ATP4A: variants seen among roughly 807,000 people sequenced by gnomAD.
ATP4A encodes potassium-transporting ATPase alpha chain 1.
A neutral mutation model predicts 112.1 loss-of-function variants in ATP4A; 73 were observed. The observed-to-expected ratio is 0.65, with a 90% confidence interval of 0.54 to 0.79. The LOEUF (loss-of-function observed/expected upper bound fraction) is 0.79. Ranked by LOEUF, ATP4A falls within the 30% of genes least tolerant of loss-of-function variation. The pLI, the probability that ATP4A is intolerant of heterozygous loss-of-function variation, is 0.00. For synonymous variants in ATP4A, 588 were observed against 588.9 expected (o/e 1.00, Z 0.02); for missense variants, 1,081 against 1,425.9 (o/e 0.76, Z 3.90).
Position 35,560,283 on chromosome 19 carries a change from G to A in ATP4A, c.787+80C>T. On this transcript the variant is annotated intron_variant, in intron 6 of 21. Transcript: ENST00000262623. The surrounding 1 kb of genome is among the most constrained non-coding windows in gnomAD (Gnocchi z 5.1). ...GCAGGAGAGAGACAGGGAGGCTGAAGCCCCCTGTCCTAGAAGATAGCAGGA... is the reference window on the plus strand; with the variant it reads ...GCAGGAGAGAGACAGGGAGGCTGAAACCCCCTGTCCTAGAAGATAGCAGGA... 1 of 1,580,400 alleles carries A rather than the reference G, an allele frequency of 6.3e-7. No homozygotes were observed. Among genetic ancestry groups the A allele is most frequent in the Non-Finnish European group, 8.6e-7 (1 of 1,161,398 alleles).
rs200192724 is a variant in ATP4A at position 35,560,429 on chromosome 19, C to G, written c.721G>C (p.Glu241Gln). 6.2e-6 allele frequency: 10 copies of G among 1,613,910 alleles called. 1 individual carries two copies. The highest frequency in any genetic ancestry group is 3.3e-5 in the South Asian group (3 of 91,078). ...GESEPQTRSP[E>Q]CTHESPLETR... is the part of the protein sequence containing the mutation. ...TCCAGAGGGCTCTCGTGCGTGCACTCGGGTGAGCGGGTCTGTGGCTCAGAC... is the reference window on the plus strand; with the variant it reads ...TCCAGAGGGCTCTCGTGCGTGCACTGGGGTGAGCGGGTCTGTGGCTCAGAC... Residue 241 changes from glutamate (E) to glutamine (Q), a missense_variant, in exon 6 of 22, where the codon GAG becomes CAG. Physicochemically the swap from Glu to Gln is conservative, Grantham distance 29. This residue lies in a region of ATP4A where 850 missense variants were observed against 1,068.2 expected (regional missense o/e 0.80). Transcript: ENST00000262623. This position sits in a 1 kb window ranked among gnomAD's most constrained non-coding sequence, Gnocchi z 5.1.
chr19:35,558,525 A>C lies in ATP4A; in HGVS notation c.1366-29T>G, dbSNP rs1368239082. On this transcript the variant is annotated intron_variant, in intron 9 of 21. Transcript: ENST00000262623. This position sits in a 1 kb window ranked among gnomAD's most constrained non-coding sequence, Gnocchi z 5.1. ...GGAGCGGGGACCGGTGTCAGGGGCGAAGCCGGCTACACCAGCCTCCCGGGA... is the reference window on the plus strand; with the variant it reads ...GGAGCGGGGACCGGTGTCAGGGGCGCAGCCGGCTACACCAGCCTCCCGGGA... 1.9e-6 allele frequency: 3 copies of C among 1,589,450 alleles called. No individual in the cohort carries two copies. In the Admixed American group the frequency reaches 5.5e-5, roughly 29 times the overall value.
Position 35,558,800 on chromosome 19 carries a change from G to T in ATP4A, c.1256-114C>A. On this transcript the variant is annotated intron_variant, in intron 8 of 21. Transcript: ENST00000262623. This position sits in a 1 kb window ranked among gnomAD's most constrained non-coding sequence, Gnocchi z 5.1. Reference sequence around the variant, plus strand: ...CCCCTCCCCAGACCTGGGTGGAATTGGGTTCCACCCAACCCTGAGGGACCC... The same window carrying T: ...CCCCTCCCCAGACCTGGGTGGAATTTGGTTCCACCCAACCCTGAGGGACCC... 1 of 1,284,528 alleles carries T rather than the reference G, an allele frequency of 7.8e-7. No homozygotes were observed. Among genetic ancestry groups the T allele is most frequent in the Non-Finnish European group, 1.1e-6 (1 of 946,398 alleles). 79.6% of individuals were successfully genotyped at this position (1,284,528 alleles called of 1,614,324 possible).
At position 35,558,656 on chromosome 19, in the gene ATP4A, C is replaced by A; in HGVS notation, c.1286G>T (p.Trp429Leu). Residue 429 changes from tryptophan to leucine, a missense_variant, in exon 9 of 22, where the codon TGG becomes TTG. Trp to Leu is a moderately conservative substitution (Grantham distance 61). Around this residue, in one of 3 missense-constraint regions of ATP4A, gnomAD observed 850 missense variants for 1,068.2 expected, o/e 0.80. Coordinates refer to ENST00000262623, the MANE Select transcript of ATP4A (RefSeq NM_000704.3). The surrounding 1 kb of genome is among the most constrained non-coding windows in gnomAD (Gnocchi z 5.1). ...GGTGAGCACCCGGCACAGCGCCCGC[C>A]ACGTCTCCGAGGACTGGTCAAACGT... ...GQTFDQSSET[W>L]RALCRVLTLC... The A allele has an allele frequency of 2.5e-6, 4 of 1,602,610 alleles. No homozygotes were observed. The highest frequency in any genetic ancestry group is 3.4e-6 in the Non-Finnish European group (4 of 1,176,362).
chr19:35,560,187 G>T lies in ATP4A; in HGVS notation c.788-114C>A. On this transcript the variant is annotated intron_variant, in intron 6 of 21. Coordinates refer to ENST00000262623, the MANE Select transcript of ATP4A (RefSeq NM_000704.3). The surrounding 1 kb of genome is among the most constrained non-coding windows in gnomAD (Gnocchi z 5.1). ...CAGTGGAGGATGTGACCTGGGAGAG[G>T]GTAGTGACAGTGGGAGACAGAGAAG... 6.5e-7 allele frequency: 1 copy of T among 1,532,492 alleles called. No individual in the cohort carries two copies. The allele number at this position is 1,532,492 out of a possible 1,614,324, so 94.9% of individuals were successfully genotyped here. A position where few individuals can be genotyped will look rare whatever the true frequency, so the allele number is the denominator to read the frequency against.
In ATP4A at chr19:35,558,386, G is replaced by T. The variant is rs776501241; in HGVS notation, c.1476C>A (p.Pro492=). 2 of 1,611,840 alleles carry T rather than the reference G, an allele frequency of 1.2e-6. No homozygotes were observed. Among genetic ancestry groups the T allele is most frequent in the South Asian group, 2.2e-5 (2 of 90,554 alleles). The change falls in exon 10 of 22, where the codon CCC becomes CCA. Residue 492 remains proline, a synonymous_variant. Transcript: ENST00000262623. This position sits in a 1 kb window ranked among gnomAD's most constrained non-coding sequence, Gnocchi z 5.1. ...RDRFPKVCEI[P]FNSTNKFQLS... ...CCTGGAACTTGTTGGTGGAGTTGAA[G>T]GGTATCTCGCAGACTTTTGGGAAGC...
At chr19:35,556,524 A>G (rs2071632379) in intron 12 of ATP4A, among the ~76,000 whole-genome samples, 1 of 152,208 alleles carries the variant, frequency 6.6e-6, no homozygotes, top group Non-Finnish European at 1.5e-5. Flanking sequence ...CCCCAGCCCC[A>G]GTGACTGGCT....
Position 35,558,432 on chromosome 19 carries a change from T to G in ATP4A, c.1430A>C (p.Asn477Thr). ...LLKFSELTLG[N>T]AMGYRDRFPK... ...GAAGCGGTCCCGGTAGCCCATGGCG[T>G]TGCCCAGCGTCAGCTCCGAGAACTT... Residue 477 changes from asparagine to threonine, a missense_variant, in exon 10 of 22, where the codon AAC (asparagine) becomes ACC (threonine). Around this residue, in one of 3 missense-constraint regions of ATP4A, gnomAD observed 850 missense variants for 1,068.2 expected, o/e 0.80. Transcript: ENST00000262623. The surrounding 1 kb of genome is among the most constrained non-coding windows in gnomAD (Gnocchi z 5.1). 1.2e-6 allele frequency: 2 copies of G among 1,607,702 alleles called. No homozygotes were observed. The highest frequency in any genetic ancestry group is 1.7e-6 in the Non-Finnish European group (2 of 1,177,458).
Position 35,551,338 on chromosome 19 carries a change from C to T in ATP4A, c.2885+109G>A. 1 of 1,552,240 alleles carries T rather than the reference C, an allele frequency of 6.4e-7. No individual in the cohort carries two copies. The highest frequency in any genetic ancestry group is 8.8e-7 in the Non-Finnish European group (1 of 1,138,650). On this transcript the variant is annotated intron_variant, in intron 19 of 21. Coordinates refer to ENST00000262623, the MANE Select transcript of ATP4A (RefSeq NM_000704.3). The surrounding 1 kb of genome is among the most constrained non-coding windows in gnomAD (Gnocchi z 5.2). The stretch of plus-strand genomic sequence containing the variant: ...AAAGGTTTTTTTGGCATGTCACCAT[C>T]TGGCACTGGCACCCGCTGGCATTTG...
intron 4 of ATP4A, among the ~76,000 whole-genome samples, chr19:35,561,249 G>A (rs1436830148): frequency 6.6e-6 from 1 of 151,960 alleles, no homozygotes; most frequent in Non-Finnish European, 1.5e-5. Context: ...GGTCTGACGT[G>A]TTCCCTTCTC....
Position 35,550,291 on chromosome 19 carries a change from A to C in ATP4A, c.*324T>G. The stretch of plus-strand genomic sequence containing the variant: ...CAGGCAGCCGTCCAGCCTGGACTGG[A>C]GTCCTAAGAACAGAAACACCCTCCA... On this transcript the variant is annotated 3_prime_UTR_variant, in exon 22 of 22. Transcript: ENST00000262623. This position sits in a 1 kb window ranked among gnomAD's most constrained non-coding sequence, Gnocchi z 4.1. 2.6e-6 allele frequency: 1 copy of C among 385,934 alleles called. No homozygotes were observed. Among genetic ancestry groups the C allele is most frequent in the Non-Finnish European group, 4.7e-6 (1 of 211,020 alleles). 23.9% of individuals were successfully genotyped at this position (385,934 alleles called of 1,614,324 possible).
chr19:35,557,646 G>A lies in ATP4A; in HGVS notation c.1693+9C>T, dbSNP rs779332900. 6 of 1,601,834 alleles carry A rather than the reference G, an allele frequency of 3.7e-6. No homozygotes were observed. In the East Asian group the frequency reaches 1.3e-4, roughly 36 times the overall value. ...ACCTGGAGTCTCCTCCCCTGCCCAG[G>A]GGTCTCACCGAGCACGCGTTCGCCC... On this transcript the variant is annotated intron_variant, in intron 11 of 21. Transcript: ENST00000262623. The surrounding 1 kb of genome is among the most constrained non-coding windows in gnomAD (Gnocchi z 4.4).
At position 35,557,667 on chromosome 19, in the gene ATP4A, C is replaced by T; in HGVS notation, c.1681G>A (p.Glu561Lys). The stretch of plus-strand genomic sequence containing the variant: ...CCAGGGGTCTCACCGAGCACGCGTT[C>T]GCCCAGGCCTCCCAGGCTGAGGTAG... ...TAYLSLGGLG[E>K]RVLGFCQLYL... is the part of the protein sequence containing the mutation. Residue 561 changes from glutamate to lysine, a missense_variant, in exon 11 of 22, where the codon GAA (glutamate) becomes AAA (lysine). Glu to Lys is a moderately conservative substitution (Grantham distance 56). Around this residue, in one of 3 missense-constraint regions of ATP4A, gnomAD observed 850 missense variants for 1,068.2 expected, o/e 0.80. Coordinates refer to ENST00000262623, the MANE Select transcript of ATP4A (RefSeq NM_000704.3). The surrounding 1 kb of genome is among the most constrained non-coding windows in gnomAD (Gnocchi z 4.4). 2 of 1,607,280 alleles carry T rather than the reference C, an allele frequency of 1.2e-6. No homozygotes were observed. Among genetic ancestry groups the T allele is most frequent in the South Asian group, 1.1e-5 (1 of 89,864 alleles).
chr19:35,556,469 G>C (rs1287857979), intron 12 of ATP4A, among the ~76,000 whole-genome samples: 1 of 152,346 alleles, frequency 6.6e-6, no homozygotes, highest in South Asian at 2.1e-4. Flanking sequence ...CCCTGGCTAA[G>C]ATTGGGTAAG....
chr19:35,558,601 G>A lies in ATP4A; in HGVS notation c.1341C>T (p.Gly447=), dbSNP rs1217219995. The change falls in exon 9 of 22, where the codon GGC becomes GGT. Residue 447 remains glycine, a synonymous_variant. Transcript: ENST00000262623. This position sits in a 1 kb window ranked among gnomAD's most constrained non-coding sequence, Gnocchi z 5.1. The stretch of plus-strand genomic sequence containing the variant: ...CCTTGGGCACAGGCACTGCATCCTG[G>A]CCGGACTTGAAGGCGGCGCGGTTGC... ...TLCNRAAFKS[G]QDAVPVPKRI... 3.1e-6 allele frequency: 5 copies of A among 1,603,696 alleles called. No homozygotes were observed. Among genetic ancestry groups the A allele is most frequent in the Non-Finnish European group, 4.3e-6 (5 of 1,176,214 alleles).
rs1210757728 is a variant in ATP4A at position 35,555,707 on chromosome 19, G to C, written c.1975C>G (p.Leu659Val). ...SETVEDIAAR[L>V]RVPVDQVNRK... The stretch of plus-strand genomic sequence containing the variant: ...TTAACCTGGTCTACGGGCACACGGA[G>C]GCGGGCAGCGATGTCCTCCACTGTC... Residue 659 changes from leucine to valine, a missense_variant, in exon 13 of 22, where the codon CTC becomes GTC. Leu to Val is a conservative substitution (Grantham distance 32, BLOSUM62 1). Coordinates refer to ENST00000262623, the MANE Select transcript of ATP4A (RefSeq NM_000704.3). The surrounding 1 kb of genome is among the most constrained non-coding windows in gnomAD (Gnocchi z 6.6). 1 of 1,610,518 alleles carries C rather than the reference G, an allele frequency of 6.2e-7. No individual in the cohort carries two copies. The highest frequency in any genetic ancestry group is 1.7e-5 in the Admixed American group (1 of 59,964).
Position 35,560,918 on chromosome 19 carries a change from G to T in ATP4A, c.435C>A (p.Ile145=). The change falls in exon 5 of 22, where the codon ATC becomes ATA. Residue 145 remains isoleucine, a synonymous_variant. Coordinates refer to ENST00000262623, the MANE Select transcript of ATP4A (RefSeq NM_000704.3). The surrounding 1 kb of genome is among the most constrained non-coding windows in gnomAD (Gnocchi z 5.1). Reference sequence around the variant, plus strand: ...TGACGACAACCACAGCAATGAGAGCGATTGCCAGGTACAGCTGGGGACAGG... The same window carrying T: ...TGACGACAACCACAGCAATGAGAGCTATTGCCAGGTACAGCTGGGGACAGG... The part of the protein sequence containing the change: ...LTTDDNLYLA[I]ALIAVVVVTG... 1.2e-6 allele frequency: 2 copies of T among 1,613,880 alleles called. No homozygotes were observed. The highest frequency in any genetic ancestry group is 2.2e-5 in the East Asian group (1 of 44,884).
rs933402330 is a variant in ATP4A at position 35,558,147 on chromosome 19, G to C, written c.1500+215C>G. ...GAGAGCGAGGTGCTCCCCATGGACA[G>C]TCCCGCCGAGGAGAAGCTGTGGGCG... On this transcript the variant is annotated intron_variant, in intron 10 of 21. Coordinates refer to ENST00000262623, the MANE Select transcript of ATP4A (RefSeq NM_000704.3). The surrounding 1 kb of genome is among the most constrained non-coding windows in gnomAD (Gnocchi z 5.1). 2.3e-5 allele frequency: 16 copies of C among 686,280 alleles called. No homozygotes were observed. In the East Asian group the frequency reaches 4.1e-4, roughly 18 times the overall value. 42.5% of individuals were successfully genotyped at this position (686,280 alleles called of 1,614,324 possible).
rs368602659 is a variant in ATP4A, at chr19:35,555,399, G to A, written c.2157+41C>T. ...GAGAGGCCGGTCCAAGACCAGCCCC[G>A]CCTGTCTGCCCGCCTGCCCACCCTC... On this transcript the variant is annotated intron_variant, in intron 14 of 21. Coordinates refer to ENST00000262623, the MANE Select transcript of ATP4A (RefSeq NM_000704.3). The surrounding 1 kb of genome is among the most constrained non-coding windows in gnomAD (Gnocchi z 6.6). 1.7e-5 allele frequency: 28 copies of A among 1,601,238 alleles called. No individual in the cohort carries two copies. Among genetic ancestry groups the A allele is most frequent in the African/African-American group, 2.7e-5 (2 of 74,786 alleles).
Sources: gnomAD v4.1 joint callset for allele counts (sites outside exome capture counted in the v4.1 genomes callset) on GRCh38, gnomAD v4.1.1 for gene constraint, gnomAD v4.1.1 regional missense constraint, Gnocchi (gnomAD v3.1) non-coding constraint, MANE v1.5 for transcripts, NCBI Gene and HGNC (gene_info 2026-07-23, HGNC 2026-07-21) for gene names.